The following SAMD12 variants were observed in gnomAD, a reference collection of about 807,000 sequenced individuals.
The protein encoded by SAMD12 is sterile alpha motif domain-containing protein 12.
In SAMD12, 9 loss-of-function variants were observed where a neutral mutation model predicts 15.0. The observed-to-expected ratio is 0.60, with a 90% CI of 0.36 to 1.05. The LOEUF (loss-of-function observed/expected upper bound fraction) is 1.05. SAMD12 is among the 50% of genes least tolerant of loss of function. The pLI, the probability that SAMD12 is intolerant of heterozygous loss-of-function variation, is 0.01. For missense variants in SAMD12, 230 were observed against 234.2 expected, an observed-to-expected ratio of 0.98 and a Z score of 0.12; for synonymous variants, 86 against 90.1, an observed-to-expected ratio of 0.96 and a Z score of 0.25.
chr8:118,153,726 A>T, the SAMD12 span, among the ~76,000 whole-genome samples: 2 of 152,094 alleles, frequency 1.3e-5, no homozygotes, highest in Non-Finnish European at 2.9e-5. Flanking sequence ...TGGGTTGAGG[A>T]TTACTCTAGG....
chr8:118,280,589 A>G (rs1464049899), intron 4 of SAMD12, among the ~76,000 whole-genome samples: 1 of 152,184 alleles, frequency 6.6e-6, no homozygotes, highest in Non-Finnish European at 1.5e-5. Context: ...CTGGACTATC[A>G]AACTTAGGAG....
At chr8:118,357,663 T>C (rs922061919) in intron 4 of SAMD12, among the ~76,000 whole-genome samples, 3 of 152,226 alleles carry the variant, frequency 2.0e-5, no homozygotes, top group African/African-American at 4.8e-5. Context: ...AAAATAAATA[T>C]TGTTGTCAAA....
At chr8:118,400,409 A>C (rs1586667951) in intron 3 of SAMD12, 1 of 152,238 alleles carries the variant, frequency 6.6e-6, no homozygotes, top group South Asian at 2.1e-4. Context: ...GACACTGAAC[A>C]TGATTTTAAG....
At chr8:118,135,241 G>GTGCGAT in the SAMD12 span, among the ~76,000 whole-genome samples, 1 of 152,218 alleles carries the variant, frequency 6.6e-6, no homozygotes, top group East Asian at 1.9e-4. Context: ...GAGTGCAGTG[G>GTGCGAT]CACTATCTCG....
At chr8:118,278,552 G>A (rs1439065083) in intron 4 of SAMD12, among the ~76,000 whole-genome samples, 1 of 152,178 alleles carries the variant, frequency 6.6e-6, no homozygotes, top group Non-Finnish European at 1.5e-5. Context: ...TTGACTAGCT[G>A]CTGCTGTTAA....
At chr8:118,458,499 C>T (rs2130931503) in intron 2 of SAMD12, among the ~76,000 whole-genome samples, 1 of 152,302 alleles carries the variant, frequency 6.6e-6, no homozygotes, top group East Asian at 1.9e-4. Context: ...CTGGGCTTCA[C>T]ATTTGATATA....
chr8:118,513,350 A>G (rs1825139544), intron 2 of SAMD12, among the ~76,000 whole-genome samples: 1 of 152,242 alleles, frequency 6.6e-6, no homozygotes, highest in Non-Finnish European at 1.5e-5. Flanking sequence ...TGATCAAGAC[A>G]TATTAAAAGT....
intron 2 of SAMD12, among the ~76,000 whole-genome samples, chr8:118,513,707 G>A (rs965211717): frequency 2.0e-5 from 3 of 152,372 alleles, no homozygotes; most frequent in African/African-American, 7.2e-5. Flanking sequence ...AGTGGTGACA[G>A]AGCCCCTTGG....
At chr8:118,580,418 G>A (rs1161409370) in intron 2 of SAMD12, among the ~76,000 whole-genome samples, 1 of 152,114 alleles carries the variant, frequency 6.6e-6, no homozygotes, top group Non-Finnish European at 1.5e-5. Context: ...CAACACCATA[G>A]AGTGGTAAGT....
intron 2 of SAMD12, among the ~76,000 whole-genome samples, chr8:118,571,849 G>T (rs1827021060): frequency 1.3e-5 from 2 of 152,228 alleles, no homozygotes; most frequent in Non-Finnish European, 2.9e-5. Flanking sequence ...AGTGAGGAAG[G>T]GAAATGTGGG....
chr8:118,288,734 C>T (rs1814194099), intron 4 of SAMD12, among the ~76,000 whole-genome samples: 1 of 152,204 alleles, frequency 6.6e-6, no homozygotes, highest in Non-Finnish European at 1.5e-5. Flanking sequence ...TCAAAAACTA[C>T]TGAAACTTCA....
chr8:118,615,768 G>C (rs1273422723), intron 1 of SAMD12, among the ~76,000 whole-genome samples: 4 of 152,162 alleles, frequency 2.6e-5, no homozygotes, highest in African/African-American at 9.7e-5. Context: ...ATTCAGGCGT[G>C]AGAAAACAGC....
At chr8:118,449,062 CTT>C (rs10717740) in intron 2 of SAMD12, among the ~76,000 whole-genome samples, 189 of 126,728 alleles carry the variant, frequency 1.5e-3, no homozygotes, top group Middle Eastern at 8.1e-3. Flanking sequence ...CACAGGCAGT[CTT>C]TTTTTTTTTT....
chr8:118,424,495 C>G (rs1023723681), intron 3 of SAMD12, among the ~76,000 whole-genome samples: 1 of 152,138 alleles, frequency 6.6e-6, no homozygotes, highest in Non-Finnish European at 1.5e-5. Context: ...CACCACAGTC[C>G]AATCTTTCTC....
chr8:118,502,019 CAAA>C (rs778485490), intron 2 of SAMD12, among the ~76,000 whole-genome samples: 7 of 80,504 alleles, frequency 8.7e-5, no homozygotes, highest in South Asian at 4.0e-4. Context: ...GACTCCGTCT[CAAA>C]AAAAAAAAAA....
At chr8:118,426,565 A>G (rs1822241000) in intron 3 of SAMD12, among the ~76,000 whole-genome samples, 1 of 152,210 alleles carries the variant, frequency 6.6e-6, no homozygotes, top group African/African-American at 2.4e-5. Flanking sequence ...GGCTGCTCCC[A>G]TAGTAAGAAT....
chr8:118,395,628 C>T (rs1433535540), intron 3 of SAMD12, among the ~76,000 whole-genome samples: 1 of 152,058 alleles, frequency 6.6e-6, no homozygotes, highest in Non-Finnish European at 1.5e-5. Context: ...TAAGTACATA[C>T]TATAATCAAT....
chr8:118,409,237 A>G (rs1821282408), intron 3 of SAMD12, among the ~76,000 whole-genome samples: 1 of 152,156 alleles, frequency 6.6e-6, no homozygotes, highest in African/African-American at 2.4e-5. Flanking sequence ...TAGGAAAATA[A>G]GTCCTAATCT....
At chr8:118,143,110 G>A in the SAMD12 span, among the ~76,000 whole-genome samples, 474 of 152,118 alleles carry the variant, frequency 3.1e-3, 4 homozygotes, top group Non-Finnish European at 3.4e-3. Context: ...GATTCCTAAA[G>A]GTTGACTTCT....
Sources: gnomAD v4.1 joint callset for allele counts (sites outside exome capture counted in the v4.1 genomes callset) on GRCh38, gnomAD v4.1.1 for gene constraint, MANE v1.5 for transcripts, NCBI Gene and HGNC (gene_info 2026-07-23, HGNC 2026-07-21) for gene names.